The following CDH1 variants were observed in gnomAD, a reference collection of about 807,000 sequenced individuals.
CDH1 encodes cadherin 1, also known as cadherin-1.
CDH1 carries 35 observed loss-of-function variants against 84.5 expected under a neutral mutation model. That is an observed-to-expected ratio of 0.41 (90% CI 0.32 to 0.55). The LOEUF (loss-of-function observed/expected upper bound fraction) is 0.55. CDH1 is among the 20% of genes least tolerant of loss of function. CDH1 has a pLI of 0.19. For missense variants in CDH1, 994 were observed against 1,126.6 expected (o/e 0.88, Z 1.68); for synonymous variants, 417 against 439.0 (o/e 0.95, Z 0.63).
At chr16:68,784,915 C>A (rs763602221) in intron 2 of CDH1, among the ~76,000 whole-genome samples, 14 of 151,760 alleles carry the variant, frequency 9.2e-5, no homozygotes, top group Non-Finnish European at 1.6e-4. Context: ...CCCTCCTGTT[C>A]GGTCATTTTA....
chr16:68,821,087 G>A (rs541266201), intron 11 of CDH1, among the ~76,000 whole-genome samples: 34 of 152,162 alleles, frequency 2.2e-4, no homozygotes, highest in African/African-American at 7.2e-4. Flanking sequence ...TATCCGTATC[G>A]TATACTAATA....
rs1057520804 is a variant in CDH1 at position 68,811,715 on chromosome 16, C to G, written c.864C>G (p.Asp288Glu). 6.2e-7 allele frequency: 1 copy of G among 1,614,058 alleles called. No individual in the cohort carries two copies. Residue 288 changes from aspartate to glutamate, a missense_variant, in exon 7 of 16, where the codon GAC becomes GAG. By Grantham distance (45) the Asp-to-Glu change is conservative. Coordinates refer to ENST00000261769, the MANE Select transcript of CDH1 (RefSeq NM_004360.5). ...GTSVMEVTAT[D>E]ADDDVNTYNA... ...CTGTGATGGAGGTCACAGCCACAGACGCGGACGATGATGTGAACACCTACA... is the reference window on the plus strand; with the variant it reads ...CTGTGATGGAGGTCACAGCCACAGAGGCGGACGATGATGTGAACACCTACA...
rs1160169015 is a variant in CDH1, at chr16:68,801,763, A to G, written c.257A>G (p.Lys86Arg). Residue 86 changes from lysine to arginine, a missense_variant, in exon 3 of 16, where the codon AAA becomes AGA. Physicochemically the swap from Lys to Arg is conservative, Grantham distance 26 (BLOSUM62 2). Coordinates refer to ENST00000261769, the MANE Select transcript of CDH1 (RefSeq NM_004360.5). ...KVGTDGVITV[K>R]RPLRFHNPQI... ...GGCACAGATGGTGTGATTACAGTCA[A>G]AAGGCCTCTACGGTTTCATAACCCA... The G allele has an allele frequency of 1.2e-6, 2 of 1,614,174 alleles. No homozygotes were observed. Among genetic ancestry groups the G allele is most frequent in the African/African-American group, 1.3e-5 (1 of 75,050 alleles).
At chr16:68,806,855 GTGTGTGCGCA>G (rs1182449657) in intron 3 of CDH1, among the ~76,000 whole-genome samples, 2 of 152,188 alleles carry the variant, frequency 1.3e-5, no homozygotes, top group Non-Finnish European at 2.9e-5. Context: ...GAGAGCATAG[GTGTGTGCGCA>G]TGTGTGCACA....
rs554440202 is a variant in CDH1 at position 68,831,320 on chromosome 16, C to T, written c.2439+1523C>T. 3.2e-3 allele frequency among the ~76,000 whole-genome samples: 479 copies of T among 150,756 alleles called. 2 individuals carry two copies. Among genetic ancestry groups the T allele is most frequent in the Non-Finnish European group, 6.1e-3 (412 of 67,754 alleles). On this transcript the variant is annotated intron_variant, in intron 15 of 15. Coordinates refer to ENST00000261769, the MANE Select transcript of CDH1 (RefSeq NM_004360.5). ...TAACCAGATGGTCTCGATCTCCTGA[C>T]CTCAGGTGATCTGCCTGCCTTGGCC... is the stretch of plus-strand genomic sequence containing the variant.
chr16:68,744,570 C>T (rs1962673364), intron 2 of CDH1, among the ~76,000 whole-genome samples: 1 of 152,072 alleles, frequency 6.6e-6, no homozygotes, highest in African/African-American at 2.4e-5. Flanking sequence ...TTTTCATCTT[C>T]CTCCTTCCTT....
chr16:68,815,792 C>T (rs1960973527), intron 10 of CDH1, 33 bp downstream of exon 10: 2 of 1,611,954 alleles, frequency 1.2e-6, no homozygotes, highest in Admixed American at 1.7e-5. Context: ...TGACTTGCAG[C>T]AACTGGTTAT....
chr16:68,742,196 T>C (rs1253920221), intron 2 of CDH1, among the ~76,000 whole-genome samples: 3 of 152,220 alleles, frequency 2.0e-5, no homozygotes, highest in Admixed American at 6.5e-5. Context: ...ACAGGGCCTA[T>C]ATTTCAGTGT....
chr16:68,754,987 G>A (rs1046287936), intron 2 of CDH1, among the ~76,000 whole-genome samples: 3 of 152,138 alleles, frequency 2.0e-5, no homozygotes, highest in African/African-American at 7.2e-5. Context: ...GTGCTCAATA[G>A]ATGTTAGAAC....
At position 68,808,467 on chromosome 16, in the gene CDH1, A is replaced by G. The variant is rs1597890516; in HGVS notation, c.431A>G (p.Asn144Ser). Residue 144 changes from asparagine to serine, a missense_variant, in exon 4 of 16, where the codon AAC becomes AGC. Asn to Ser is a conservative substitution (Grantham distance 46, BLOSUM62 1). Coordinates refer to ENST00000261769, the MANE Select transcript of CDH1 (RefSeq NM_004360.5). ...GIQAELLTFP[N>S]SSPGLRRQKR... is the part of the protein sequence containing the mutation. ...CAAGCAGAATTGCTCACATTTCCCAACTCCTCTCCTGGCCTCAGAAGACAG... is the reference window on the plus strand; with the variant it reads ...CAAGCAGAATTGCTCACATTTCCCAGCTCCTCTCCTGGCCTCAGAAGACAG... 1 of 1,613,444 alleles carries G rather than the reference A, an allele frequency of 6.2e-7. No individual in the cohort carries two copies. The highest frequency in any genetic ancestry group is 8.5e-7 in the Non-Finnish European group (1 of 1,179,556).
At position 68,805,627 on chromosome 16, in the gene CDH1, T is replaced by G. The variant is rs1217826040; in HGVS notation, c.388-2797T>G. Among the ~76,000 whole-genome samples the G allele has an allele frequency of 1.3e-5, 2 of 152,176 alleles. 1 individual carries two copies. The highest frequency in any genetic ancestry group is 4.8e-5 in the African/African-American group (2 of 41,450). On this transcript the variant is annotated intron_variant, in intron 3 of 15. Coordinates refer to ENST00000261769, the MANE Select transcript of CDH1 (RefSeq NM_004360.5). The stretch of plus-strand genomic sequence containing the variant: ...TTTCTTTTTTGAGATGCAGTTTCAC[T>G]CTTGTCACCCAGGCTAGAGTGCAAT...
chr16:68,754,811 C>T (rs1050357613), intron 2 of CDH1, among the ~76,000 whole-genome samples: 1 of 152,084 alleles, frequency 6.6e-6, no homozygotes, highest in African/African-American at 2.4e-5. Context: ...AAGCCCTGTC[C>T]TCATGGAATT....
intron 2 of CDH1, among the ~76,000 whole-genome samples, chr16:68,761,583 A>G (rs887465742): frequency 4.6e-5 from 7 of 152,192 alleles, no homozygotes; most frequent in African/African-American, 1.7e-4. Flanking sequence ...AACATAATCA[A>G]TGTGCAAAAT....
chr16:68,810,347 T>G lies in CDH1; in HGVS notation c.832+6T>G, dbSNP rs1567505832. On this transcript the variant is annotated splice_donor_region_variant and intron_variant, in intron 6 of 15. Coordinates refer to ENST00000261769, the MANE Select transcript of CDH1 (RefSeq NM_004360.5). ...CATGGAAGGTGCTCTTCCAGGTATATCCACTAATGAGAATCTGAATACTCA... is the reference window on the plus strand; with the variant it reads ...CATGGAAGGTGCTCTTCCAGGTATAGCCACTAATGAGAATCTGAATACTCA... 6 of 1,613,438 alleles carry G rather than the reference T, an allele frequency of 3.7e-6. No homozygotes were observed. Among genetic ancestry groups the G allele is most frequent in the Non-Finnish European group, 5.1e-6 (6 of 1,179,410 alleles).
chr16:68,745,422 G>T (rs898289677), intron 2 of CDH1, among the ~76,000 whole-genome samples: 10 of 150,540 alleles, frequency 6.6e-5, no homozygotes, highest in African/African-American at 2.5e-4. Context: ...TGTGCATGTA[G>T]TCCCAACTAC....
chr16:68,819,890 G>C (rs1220100503), intron 11 of CDH1, among the ~76,000 whole-genome samples: 1 of 152,066 alleles, frequency 6.6e-6, no homozygotes, highest in Non-Finnish European at 1.5e-5. Flanking sequence ...TTAAACAAAG[G>C]CATTCTTATT....
intron 9 of CDH1, among the ~76,000 whole-genome samples, chr16:68,815,096 G>A (rs548937065): frequency 3.3e-5 from 5 of 152,040 alleles, no homozygotes; most frequent in East Asian, 1.9e-4. Flanking sequence ...GTGTGGTGGC[G>A]GGCTCCTGTA....
intron 15 of CDH1, among the ~76,000 whole-genome samples, chr16:68,832,081 G>C (rs1961497957): frequency 6.6e-6 from 1 of 152,064 alleles, no homozygotes; most frequent in African/African-American, 2.4e-5. Context: ...GGAGCTGAAT[G>C]ATGAGAACTC....
At chr16:68,801,920 C>A (rs33932809) in intron 3 of CDH1, 27 bp downstream of exon 3, 32 of 1,578,726 alleles carry the variant, frequency 2.0e-5, no homozygotes, top group African/African-American at 2.7e-5. Context: ...CTGAGAAGTT[C>A]GCTGTTGTTT....
Sources: allele counts gnomAD v4.1 joint callset (sites outside exome capture counted in the v4.1 genomes callset), GRCh38; gene constraint gnomAD v4.1.1; transcripts MANE v1.5; gene names NCBI Gene and HGNC (gene_info 2026-07-23, HGNC 2026-07-21).